Variants in SOX13 observed in about 807,000 individuals in gnomAD.
SOX13 encodes SRY-box transcription factor 13.
A neutral mutation model predicts 71.8 loss-of-function variants in SOX13; 28 were observed. The observed-to-expected ratio is 0.39, with a 90% CI of 0.29 to 0.53. The LOEUF is 0.53. Among genes scored for constraint, SOX13 ranks in the 20% least tolerant of loss-of-function variants. SOX13 has a pLI of 0.70. For synonymous variants in SOX13, 309 were observed against 317.8 expected, an observed-to-expected ratio of 0.97 and a Z score of 0.29; for missense variants, 627 against 810.3, an observed-to-expected ratio of 0.77 and a Z score of 2.75.
intron 1 of SOX13, among the ~76,000 whole-genome samples, chr1:204,103,275 C>T (rs1295935470): frequency 6.6e-6 from 1 of 152,230 alleles, no homozygotes; most frequent in Non-Finnish European, 1.5e-5. Context: ...TCAGAAACAA[C>T]TGCAATCCTG....
Position 204,126,363 on chromosome 1 carries a change from A to C in SOX13, c.*229A>C. The C allele has an allele frequency of 1.7e-6, 1 of 584,990 alleles. No homozygotes were observed. The allele number at this position is 584,990 out of a possible 1,614,324, so 36.2% of individuals were successfully genotyped here. ...ACTGCAGTATGGCCATGGGCTGAGC[A>C]GGCTGAGCACCTCAGCCTTTAGGGC... On this transcript the variant is annotated 3_prime_UTR_variant, in exon 14 of 14. Transcript: ENST00000367204.
At position 204,126,088 on chromosome 1, in the gene SOX13, A is replaced by G. The variant is rs778856028; in HGVS notation, c.1823A>G (p.Glu608Gly). 1 of 1,613,952 alleles carries G rather than the reference A, an allele frequency of 6.2e-7. No homozygotes were observed. The highest frequency in any genetic ancestry group is 8.5e-7 in the Non-Finnish European group (1 of 1,179,870). ...CGGTACAGCGAGGACGAGGACTCGG[A>G]GGGCGAAGAGAAGAGCGATGGGGAG... ...MYRYSEDEDS[E>G]GEEKSDGELV... Residue 608 changes from glutamate to glycine, a missense_variant, in exon 14 of 14, where the codon GAG becomes GGG. Glu to Gly is a moderately conservative substitution (Grantham distance 98). This residue lies in a region of SOX13 where 148 missense variants were observed against 192.7 expected (regional missense o/e 0.77). Coordinates refer to ENST00000367204, the MANE Select transcript of SOX13 (RefSeq NM_005686.3).
At chr1:204,115,977 A>G (rs763640099) in intron 4 of SOX13, 1 of 295,790 alleles carries the variant, frequency 3.4e-6, no homozygotes. Context: ...CTATTAGCTC[A>G]TTTATCCCTC....
At position 204,123,141 on chromosome 1, in the gene SOX13, CAAGGAGCGGCTG is replaced by C. The variant is rs1478409306; in HGVS notation, c.1165_1176del (p.Lys389_Leu392del). On this transcript the variant is annotated inframe_deletion, in exon 11 of 14. Coordinates refer to ENST00000367204, the MANE Select transcript of SOX13 (RefSeq NM_005686.3). This position sits in a 1 kb window ranked among gnomAD's most constrained non-coding sequence, Gnocchi z 5.0. ...TCATCAGCCTGGACTCATCCCCAGC[CAAGGAGCGGCTG>C]GAGGACGGCTGTGTGCACCCACTGG... is the stretch of plus-strand genomic sequence containing the variant. The C allele has an allele frequency of 6.2e-7, 1 of 1,613,794 alleles. No homozygotes were observed. Among genetic ancestry groups the C allele is most frequent in the Admixed American group, 1.7e-5 (1 of 60,022 alleles).
intron 1 of SOX13, among the ~76,000 whole-genome samples, chr1:204,111,848 T>G (rs1417718531): frequency 6.6e-6 from 1 of 152,112 alleles, no homozygotes; most frequent in Non-Finnish European, 1.5e-5. Context: ...CCCGGCTATT[T>G]CCCCCCGTGT....
intron 1 of SOX13, among the ~76,000 whole-genome samples, chr1:204,099,039 T>C (rs1332690392): frequency 8.5e-5 from 13 of 152,296 alleles, no homozygotes; most frequent in African/African-American, 2.4e-4. Flanking sequence ...TTGACTTCCA[T>C]TGTGGGAGCA....
At chr1:204,117,458 G>T in intron 6 of SOX13, 135 bp from the exon 7 acceptor site, 2 of 680,556 alleles carry the variant, frequency 2.9e-6, no homozygotes, top group East Asian at 5.4e-5. Context: ...GGGTCAAAGG[G>T]ATCCTTTGGA....
At position 204,073,733 on chromosome 1, in the gene SOX13, A is replaced by G. The variant is rs998131775; in HGVS notation, c.-2+22A>G. On this transcript the variant is annotated intron_variant, in intron 1 of 13. Coordinates refer to ENST00000367204, the MANE Select transcript of SOX13 (RefSeq NM_005686.3). This position sits in a 1 kb window ranked among gnomAD's most constrained non-coding sequence, Gnocchi z 6.8. ...AGTAGTAAGTGCACCCCTCCCCGCC[A>G]TGATCGCGCCGTCGCGCCCATTTCC... 6 of 152,198 alleles carry G rather than the reference A, an allele frequency of 3.9e-5. No homozygotes were observed. The highest frequency in any genetic ancestry group is 3.3e-4 in the Admixed American group (5 of 15,274). The allele number at this position is 152,198 out of a possible 1,614,324, so 9.4% of individuals were successfully genotyped here. A position where few individuals can be genotyped will look rare whatever the true frequency, so the allele number is the denominator to read the frequency against.
chr1:204,105,551 A>T (rs1656453623), intron 1 of SOX13, among the ~76,000 whole-genome samples: 1 of 151,956 alleles, frequency 6.6e-6, no homozygotes, highest in Non-Finnish European at 1.5e-5. Context: ...GATTACAGGT[A>T]TGCACCACCA....
chr1:204,122,968 G>T lies in SOX13; in HGVS notation c.1134+5G>T. The T allele has an allele frequency of 6.4e-7, 1 of 1,569,094 alleles. No homozygotes were observed. Among genetic ancestry groups the T allele is most frequent in the Non-Finnish European group, 8.7e-7 (1 of 1,147,806 alleles). On this transcript the variant is annotated splice_donor_5th_base_variant and intron_variant, in intron 10 of 13. Coordinates refer to ENST00000367204, the MANE Select transcript of SOX13 (RefSeq NM_005686.3). ...CCCAACACCCCCTTCCGTAAGGTAT[G>T]GTCCCCCACTCCCTTGAGCCTAGGG...
rs762327062 is a variant in SOX13, at chr1:204,117,112, C to T, written c.592-10C>T. 5 of 1,613,718 alleles carry T rather than the reference C, an allele frequency of 3.1e-6. No individual in the cohort carries two copies. The East Asian group carries it at 8.9e-5, about 29-fold the overall frequency. ...CGTGACCCCCTCTGCCTACTCTTTC[C>T]CTCTCCCAGATTGCAAAGCAGCAGC... On this transcript the variant is annotated splice_polypyrimidine_tract_variant and intron_variant, in intron 5 of 13. Coordinates refer to ENST00000367204, the MANE Select transcript of SOX13 (RefSeq NM_005686.3).
At chr1:204,082,274 G>A (rs936460507) in intron 1 of SOX13, among the ~76,000 whole-genome samples, 5 of 151,986 alleles carry the variant, frequency 3.3e-5, no homozygotes, top group Non-Finnish European at 5.9e-5. Flanking sequence ...ATGTGTGCAG[G>A]CAGGCAGGGG....
chr1:204,077,551 C>A (rs1229374784), intron 1 of SOX13, among the ~76,000 whole-genome samples: 2 of 152,102 alleles, frequency 1.3e-5, no homozygotes, highest in African/African-American at 4.8e-5. Flanking sequence ...AGTTTATAAC[C>A]TGGAAAATTA....
At chr1:204,083,079 G>C (rs1405105867) in intron 1 of SOX13, among the ~76,000 whole-genome samples, 1 of 152,116 alleles carries the variant, frequency 6.6e-6, no homozygotes, top group Admixed American at 6.5e-5. Context: ...CTCCATTTGG[G>C]GCTCATTTTG....
chr1:204,122,521 A>C, intron 9 of SOX13, 122 bp downstream of exon 9: 1 of 758,904 alleles, frequency 1.3e-6, no homozygotes, highest in Non-Finnish European at 2.1e-6. Flanking sequence ...ATGAGGGGTT[A>C]GACTTGCTCT....
At chr1:204,086,192 G>A (rs961114029) in intron 1 of SOX13, among the ~76,000 whole-genome samples, 7 of 152,214 alleles carry the variant, frequency 4.6e-5, no homozygotes, top group African/African-American at 1.7e-4. Context: ...TTCCTCCAGG[G>A]TCGGGTGCCA....
In SOX13 at chr1:204,124,876, A is replaced by C; in HGVS notation, c.1592+19A>C. 6.5e-7 allele frequency: 1 copy of C among 1,529,698 alleles called. No individual in the cohort carries two copies. The highest frequency in any genetic ancestry group is 8.9e-7 in the Non-Finnish European group (1 of 1,127,424). The allele number at this position is 1,529,698 out of a possible 1,614,324, so 94.8% of individuals were successfully genotyped here. A position where few individuals can be genotyped will look rare whatever the true frequency, so the allele number is the denominator to read the frequency against. On this transcript the variant is annotated intron_variant, in intron 13 of 13. Coordinates refer to ENST00000367204, the MANE Select transcript of SOX13 (RefSeq NM_005686.3). ...TGATCCCGTGAGCAGGCCCCCCCGC[A>C]GGCAGCCAGGAGACTGTGTGTACAT...
chr1:204,104,828 C>T (rs1656431030), intron 1 of SOX13, among the ~76,000 whole-genome samples: 1 of 152,148 alleles, frequency 6.6e-6, no homozygotes, highest in Non-Finnish European at 1.5e-5. Flanking sequence ...TCTTTATCTT[C>T]ATCTAGATAT....
At position 204,126,047 on chromosome 1, in the gene SOX13, T is replaced by A. The variant is rs770255045; in HGVS notation, c.1782T>A (p.Ala594=). The A allele has an allele frequency of 4.3e-6, 7 of 1,613,836 alleles. No homozygotes were observed. The South Asian group carries it at 7.7e-5, about 18-fold the overall frequency. The change falls in exon 14 of 14, where the codon GCT becomes GCA. Residue 594 remains alanine, a synonymous_variant. Transcript: ENST00000367204. ...GCACAGATGACAGGCACTCGGTGGC[T>A]GATGGCGAGATGTACCGGTACAGCG... is the stretch of plus-strand genomic sequence containing the variant. ...GEGTDDRHSV[A]DGEMYRYSED...
Sources: allele counts gnomAD v4.1 joint callset (sites outside exome capture counted in the v4.1 genomes callset), GRCh38; gene constraint gnomAD v4.1.1; regional missense constraint gnomAD v4.1.1; non-coding constraint Gnocchi (gnomAD v3.1); transcripts MANE v1.5; gene names NCBI Gene and HGNC (gene_info 2026-07-23, HGNC 2026-07-21).